Variants in OTOA observed in about 807,000 individuals in gnomAD.
OTOA encodes cancer/testis antigen 108.
In OTOA, 70 loss-of-function variants were observed where a neutral mutation model predicts 110.8. The observed-to-expected ratio is 0.63, with a 90% CI of 0.52 to 0.77. The LOEUF (loss-of-function observed/expected upper bound fraction) is 0.77, where lower values mean the gene tolerates loss of function less well. Among genes scored for constraint, OTOA ranks in the 30% least tolerant of loss-of-function variants. OTOA has a pLI of 0.00. For synonymous variants in OTOA, 373 were observed against 431.5 expected (o/e 0.86, Z 1.68); for missense variants, 917 against 1,075.8 (o/e 0.85, Z 2.06).
chr16:21,714,448 CT>C (rs1898480094), intron 13 of OTOA, among the ~76,000 whole-genome samples: 1 of 87,178 alleles, frequency 1.1e-5, no homozygotes, highest in Non-Finnish European at 2.3e-5. Context: ...TTCTTTCTTT[CT>C]CTCTCTCTCT....
At chr16:21,707,658 T>TTTCTTTCC in intron 12 of OTOA, among the ~76,000 whole-genome samples, 1 of 72,350 alleles carries the variant, frequency 1.4e-5, no homozygotes, top group East Asian at 2.8e-4. Context: ...TCTTTCTTTC[T>TTTCTTTCC]CTTTCTTTCT....
chr16:21,666,768 C>T (rs1966840922), intron 1 of OTOA, among the ~76,000 whole-genome samples: 2 of 152,250 alleles, frequency 1.3e-5, no homozygotes, highest in South Asian at 2.1e-4. Flanking sequence ...ATCATCATCG[C>T]CCTGCCCAGT....
At chr16:21,693,719 G>T (rs1897879236) in intron 9 of OTOA, among the ~76,000 whole-genome samples, 1 of 152,112 alleles carries the variant, frequency 6.6e-6, no homozygotes. Flanking sequence ...GAGAGTATAG[G>T]TGCCTGCCAC....
At chr16:21,756,003 T>C (rs1451652881) in intron 27 of OTOA, among the ~76,000 whole-genome samples, 5 of 150,334 alleles carry the variant, frequency 3.3e-5, no homozygotes, top group Admixed American at 6.7e-5. Context: ...GTGGGGTTCC[T>C]GGAAGGGCTT....
At chr16:21,680,246 G>C (rs963213053) in intron 5 of OTOA, among the ~76,000 whole-genome samples, 5 of 151,842 alleles carry the variant, frequency 3.3e-5, no homozygotes, top group Middle Eastern at 3.4e-3. Context: ...GGGCGCGGTG[G>C]CTCATGCCTA....
rs758277634 is a variant in OTOA, at chr16:21,752,320, T to C, written c.2919-49T>C. On this transcript the variant is annotated intron_variant, in intron 25 of 28. Coordinates refer to ENST00000646100, the MANE Select transcript of OTOA (RefSeq NM_144672.4). ...GTGTGTGTGTTTGTTTGTTTTTGGC[T>C]GAAGAGTCCAAGCTCATATTATATC... is the stretch of plus-strand genomic sequence containing the variant. 6 of 747,588 alleles carry C rather than the reference T, an allele frequency of 8.0e-6. 2 individuals are homozygous for C. Among genetic ancestry groups the C allele is most frequent in the South Asian group, 3.1e-5 (2 of 64,678 alleles). 46.3% of individuals were successfully genotyped at this position (747,588 alleles called of 1,614,324 possible).
rs947884164 is a variant in OTOA at position 21,716,784 on chromosome 16, C to T, written c.1489-123C>T. On this transcript the variant is annotated intron_variant, in intron 14 of 28. Transcript: ENST00000646100. ...TGTGAAATGGGGATGATGCTACTCTCCACTTCCTAGGGTTGCTGAGCGGGT... is the reference window on the plus strand; with the variant it reads ...TGTGAAATGGGGATGATGCTACTCTTCACTTCCTAGGGTTGCTGAGCGGGT... 7 of 1,140,760 alleles carry T rather than the reference C, an allele frequency of 6.1e-6. No individual in the cohort carries two copies. In the Admixed American group the frequency reaches 8.6e-5, roughly 14 times the overall value. The allele number at this position is 1,140,760 out of a possible 1,614,324, so 70.7% of individuals were successfully genotyped here. A position where few individuals can be genotyped will look rare whatever the true frequency, so the allele number is the denominator to read the frequency against.
At chr16:21,758,615 G>A (rs1900068705) in intron 28 of OTOA, among the ~76,000 whole-genome samples, 1 of 149,576 alleles carries the variant, frequency 6.7e-6, no homozygotes, top group Non-Finnish European at 1.5e-5. Flanking sequence ...GTGAATTGGA[G>A]TATTCCCCAT....
chr16:21,692,362 T>G (rs1462274991), intron 9 of OTOA, among the ~76,000 whole-genome samples: 1 of 151,490 alleles, frequency 6.6e-6, no homozygotes, highest in Non-Finnish European at 1.5e-5. Flanking sequence ...AGAAGAGAAT[T>G]TTATTAGGAA....
chr16:21,755,447 CGTGTGT>C (rs4016992), intron 27 of OTOA, among the ~76,000 whole-genome samples: 1,024 of 67,420 alleles, frequency 0.015, 2 homozygotes, highest in South Asian at 0.018. Flanking sequence ...ACCACCCCAC[CGTGTGT>C]GTGTGTGTGT....
intron 13 of OTOA, among the ~76,000 whole-genome samples, chr16:21,713,823 G>A (rs1038158555): frequency 1.3e-5 from 2 of 152,160 alleles, no homozygotes; most frequent in African/African-American, 4.8e-5. Flanking sequence ...ACTTTATGTT[G>A]AAGGCTTTGA....
intron 21 of OTOA, among the ~76,000 whole-genome samples, chr16:21,734,707 G>A (rs922425527): frequency 3.3e-5 from 5 of 152,034 alleles, no homozygotes; most frequent in Middle Eastern, 3.4e-3. Flanking sequence ...CGTGGTGGTG[G>A]GCACATGTAG....
rs779851039 is a variant in OTOA, at chr16:21,687,512, T to A, written c.499T>A (p.Cys167Ser). Reference sequence around the variant, plus strand: ...CCTGTTTCTCATCACACTGGAGAGGTGTTTCCAGATGCTGAACTCCCTGGA... The same window carrying A: ...CCTGTTTCTCATCACACTGGAGAGGAGTTTCCAGATGCTGAACTCCCTGGA... ...RSLFLITLERCFQMLNSLECV... is the reference protein window; with the variant it reads ...RSLFLITLERSFQMLNSLECV... The change falls in exon 8 of 29, where the codon TGT (cysteine) becomes AGT (serine). Residue 167 changes from cysteine (C) to serine (S), a missense_variant. By Grantham distance (112) the Cys-to-Ser change is moderately radical. Transcript: ENST00000646100. The A allele has an allele frequency of 3.1e-5, 50 of 1,613,616 alleles. No homozygotes were observed. The highest frequency in any genetic ancestry group is 6.8e-6 in the Non-Finnish European group (8 of 1,179,942).
In OTOA at chr16:21,719,231, T is replaced by C. The variant is rs1567388042; in HGVS notation, c.1688+40T>C. 1.9e-6 allele frequency: 3 copies of C among 1,609,604 alleles called. No homozygotes were observed. The South Asian group carries it at 3.3e-5, about 18-fold the overall frequency. On this transcript the variant is annotated intron_variant, in intron 16 of 28. Coordinates refer to ENST00000646100, the MANE Select transcript of OTOA (RefSeq NM_144672.4). ...CTCGGCCTGGGTGCTGAACAGGCCT[T>C]TCAGAGCCTTCTGCCAGAGCAGCCT...
At chr16:21,682,067 C>A (rs573035458) in intron 6 of OTOA, among the ~76,000 whole-genome samples, 10 of 152,140 alleles carry the variant, frequency 6.6e-5, no homozygotes, top group Non-Finnish European at 1.5e-4. Context: ...AACAAAAAGA[C>A]CCCCAGATGA....
In OTOA at chr16:21,685,142, G is replaced by C. The variant is rs1439594557; in HGVS notation, c.268-88G>C. The C allele has an allele frequency of 3.0e-5, 47 of 1,551,452 alleles. 1 individual carries two copies. The highest frequency in any genetic ancestry group is 3.8e-5 in the Non-Finnish European group (43 of 1,136,150). ...AGTTGTGGTCTCTGCAGGGAATGAG[G>C]GGGCCGGGCTGGGCCGCTGGCCATG... On this transcript the variant is annotated intron_variant, in intron 6 of 28. Transcript: ENST00000646100.
In OTOA at chr16:21,691,588, G is replaced by A. The variant is rs2141665286; in HGVS notation, c.640G>A (p.Ala214Thr). ...GCCTGTGTTTGTGTCATTTAGATCT[G>A]CAGTGTTCAAAGATCTCTACGACAA... ...LREDAFKNLS[A>T]VFKDLYDKTS... The change falls in exon 9 of 29, where the codon GCA (alanine) becomes ACA (threonine). Residue 214 changes from alanine to threonine, a missense_variant. Transcript: ENST00000646100. 6.2e-7 allele frequency: 1 copy of A among 1,612,346 alleles called. No homozygotes were observed. Among genetic ancestry groups the A allele is most frequent in the East Asian group, 2.2e-5 (1 of 44,858 alleles).
Position 21,695,224 on chromosome 16 carries a change from ACCC to A in OTOA, c.740-2541_740-2539del, listed in dbSNP as rs34769468. On this transcript the variant is annotated intron_variant, in intron 9 of 28. Transcript: ENST00000646100. ...AGGCCAGCCTGGGCAATGTAGTGAG[ACCC>A]CCCCCCCCCATACAAAAAAATTAAA... Among the ~76,000 whole-genome samples the A allele has an allele frequency of 2.9e-3, 369 of 128,440 alleles. 3 individuals are homozygous for A. The highest frequency in any genetic ancestry group is 5.2e-3 in the East Asian group (22 of 4,192). 84.3% of individuals were successfully genotyped at this position (128,440 alleles called of 152,430 possible). A position where few individuals can be genotyped will look rare whatever the true frequency, so the allele number is the denominator to read the frequency against.
Position 21,701,169 on chromosome 16 carries a change from T to C in OTOA, c.980+142T>C, listed in dbSNP as rs1180149298. On this transcript the variant is annotated intron_variant, in intron 11 of 28. Coordinates refer to ENST00000646100, the MANE Select transcript of OTOA (RefSeq NM_144672.4). ...GAATAGTCCCATATTTCTCTGTGCATGTGAGGAGAGGTGTCTGCAACTTTT... is the reference window on the plus strand; with the variant it reads ...GAATAGTCCCATATTTCTCTGTGCACGTGAGGAGAGGTGTCTGCAACTTTT... 11 of 1,302,488 alleles carry C rather than the reference T, an allele frequency of 8.4e-6. No homozygotes were observed. In the South Asian group the frequency reaches 8.7e-5, roughly 10 times the overall value. 80.7% of individuals were successfully genotyped at this position (1,302,488 alleles called of 1,614,324 possible).
Sources: allele counts gnomAD v4.1 joint callset (sites outside exome capture counted in the v4.1 genomes callset), GRCh38; gene constraint gnomAD v4.1.1; transcripts MANE v1.5; gene names NCBI Gene and HGNC (gene_info 2026-07-23, HGNC 2026-07-21).